Variants in DHX38 observed in about 807,000 individuals in gnomAD.
DHX38 encodes pre-mRNA-splicing factor ATP-dependent RNA helicase PRP16.
DHX38 carries 100 observed loss-of-function variants against 153.1 expected under a neutral mutation model. The observed-to-expected ratio is 0.65, with a 90% CI of 0.56 to 0.77. The LOEUF (loss-of-function observed/expected upper bound fraction) is 0.77, where lower values mean the gene tolerates loss of function less well. Among genes scored for constraint, DHX38 ranks in the 30% least tolerant of loss-of-function variants. The pLI is 0.00. For synonymous variants in DHX38, 650 were observed against 631.7 expected (o/e 1.03, Z -0.43); for missense variants, 1,440 against 1,654.0 (o/e 0.87, Z 2.24).
chr16:72,112,843 G>T lies in DHX38; in HGVS notation c.*346G>T. The T allele has an allele frequency of 1.4e-6, 1 of 701,696 alleles. No individual in the cohort carries two copies. The highest frequency in any genetic ancestry group is 1.5e-5 in the South Asian group (1 of 67,306). 43.5% of individuals were successfully genotyped at this position (701,696 alleles called of 1,614,324 possible). On this transcript the variant is annotated 3_prime_UTR_variant, in exon 27 of 27. Transcript: ENST00000268482. The stretch of plus-strand genomic sequence containing the variant: ...AATCCTTGTGTAAAGCAGCAAAAAA[G>T]ACCTAAAGGGAATTGTAATTTGGTT...
intron 1 of DHX38, among the ~76,000 whole-genome samples, chr16:72,095,616 T>G (rs566064541): frequency 6.6e-6 from 1 of 152,380 alleles, no homozygotes; most frequent in Admixed American, 6.5e-5. Context: ...ACTTTTTGTT[T>G]GATTCTCACA....
rs2042087684 is a variant in DHX38 at position 72,100,694 on chromosome 16, G to C, written c.1278+97G>C. Reference sequence around the variant, plus strand: ...GCCTGTCATCCCGGCACTTTGGGAGGCTGAGGAGGGTGGATCATTGGATAC... The same window carrying C: ...GCCTGTCATCCCGGCACTTTGGGAGCCTGAGGAGGGTGGATCATTGGATAC... On this transcript the variant is annotated intron_variant, in intron 9 of 26. Coordinates refer to ENST00000268482, the MANE Select transcript of DHX38 (RefSeq NM_014003.4). The C allele has an allele frequency of 3.3e-6, 5 of 1,515,988 alleles. No individual in the cohort carries two copies. In the East Asian group the frequency reaches 1.1e-4, roughly 34 times the overall value. The allele number at this position is 1,515,988 out of a possible 1,614,324, so 93.9% of individuals were successfully genotyped here.
At chr16:72,102,142 A>T (rs2042110059) in intron 11 of DHX38, among the ~76,000 whole-genome samples, 1 of 152,196 alleles carries the variant, frequency 6.6e-6, no homozygotes, top group African/African-American at 2.4e-5. Context: ...AGGTGGCTGG[A>T]CTTATCTGTC....
chr16:72,106,186 G>C, intron 19 of DHX38, 69 bp downstream of exon 19: 1 of 1,487,334 alleles, frequency 6.7e-7, no homozygotes, highest in Non-Finnish European at 9.3e-7. Flanking sequence ...CCCGGGCGGG[G>C]GCGGGCAGGA....
chr16:72,098,797 T>C lies in DHX38; in HGVS notation c.764+5T>C. 1.2e-6 allele frequency: 2 copies of C among 1,613,854 alleles called. No individual in the cohort carries two copies. The highest frequency in any genetic ancestry group is 8.5e-7 in the Non-Finnish European group (1 of 1,179,808). The stretch of plus-strand genomic sequence containing the variant: ...GTCCACTCGAGATCGAGACAGGTGA[T>C]GTTCTGGGCAGAGCAGCCCAGTTTC... On this transcript the variant is annotated splice_donor_5th_base_variant and intron_variant, in intron 5 of 26. Transcript: ENST00000268482.
intron 3 of DHX38, 144 bp from the exon 4 acceptor site, chr16:72,097,533 T>A: frequency 2.8e-5 from 19 of 680,464 alleles, no homozygotes; most frequent in Non-Finnish European, 4.3e-5. Context: ...TGGGGATAGG[T>A]GAGTTTCAGG....
chr16:72,101,545 A>G lies in DHX38; in HGVS notation c.1432A>G (p.Ile478Val). 1 of 1,552,172 alleles carries G rather than the reference A, an allele frequency of 6.4e-7. No individual in the cohort carries two copies. The highest frequency in any genetic ancestry group is 8.7e-7 in the Non-Finnish European group (1 of 1,147,246). ...ACTGGCGGGGACCAAACTGGGAGAT[A>G]TAATGGGCGTCAAGAAGGAGGAAGA... The part of the protein sequence containing the change: ...WELAGTKLGD[I>V]MGVKKEEEPD... The change falls in exon 11 of 27, where the codon ATA (isoleucine) becomes GTA (valine). Residue 478 changes from isoleucine (I) to valine (V), a missense_variant. Physicochemically the swap from Ile to Val is conservative, Grantham distance 29. This residue lies in a region of DHX38 where 241 missense variants were observed against 229.5 expected (regional missense o/e 1.05). Transcript: ENST00000268482.
At chr16:72,103,841 C>A in intron 13 of DHX38, 53 bp downstream of exon 13, 5 of 1,596,370 alleles carry the variant, frequency 3.1e-6, no homozygotes, top group Non-Finnish European at 4.3e-6. Context: ...AGCTTCCACC[C>A]ATTTTTGCTA....
intron 11 of DHX38, among the ~76,000 whole-genome samples, chr16:72,102,598 A>G (rs2042116150): frequency 6.6e-6 from 1 of 152,210 alleles, no homozygotes; most frequent in South Asian, 2.1e-4. Flanking sequence ...CGTACAGACT[A>G]TGCTTTCCTG....
At chr16:72,103,908 G>A (rs568853448) in intron 13 of DHX38, 38 bp from the exon 14 acceptor site, 27 of 1,609,688 alleles carry the variant, frequency 1.7e-5, no homozygotes, top group Non-Finnish European at 2.0e-5. Context: ...GTGGTGAGCC[G>A]GTGGCCAGGG....
intron 10 of DHX38, 84 bp downstream of exon 10, chr16:72,101,277 G>A (rs926876847): frequency 6.1e-6 from 9 of 1,484,608 alleles, no homozygotes; most frequent in Non-Finnish European, 7.4e-6. Flanking sequence ...TAGGCCCACA[G>A]ATAGAAGTTA....
At chr16:72,105,422 G>C in intron 17 of DHX38, 74 bp downstream of exon 17, 1 of 1,596,994 alleles carries the variant, frequency 6.3e-7, no homozygotes, top group South Asian at 1.1e-5. Flanking sequence ...TGACTGTCCT[G>C]GCAGGGGGTG....
chr16:72,101,764 C>A (rs1193229540), intron 11 of DHX38, 152 bp downstream of exon 11: 1 of 628,648 alleles, frequency 1.6e-6, no homozygotes, highest in African/African-American at 1.8e-5. Context: ...GTCCCTTCCT[C>A]CTGGTCTCTT....
intron 11 of DHX38, among the ~76,000 whole-genome samples, chr16:72,101,926 G>A (rs753026352): frequency 6.6e-6 from 1 of 152,170 alleles, no homozygotes; most frequent in Non-Finnish European, 1.5e-5. Context: ...TCAGACCCAG[G>A]CCGTCTCACA....
At chr16:72,101,787 C>T (rs2042105312) in intron 11 of DHX38, among the ~76,000 whole-genome samples, 175 bp downstream of exon 11, 1 of 152,206 alleles carries the variant, frequency 6.6e-6, no homozygotes, top group South Asian at 2.1e-4. Flanking sequence ...CTGTCCTCCA[C>T]TTTTCCTATA....
In DHX38 at chr16:72,099,762, G is replaced by A. The variant is rs890678223; in HGVS notation, c.991G>A (p.Glu331Lys). The change falls in exon 8 of 27, where the codon GAG becomes AAG. Residue 331 changes from glutamate (E) to lysine (K), a missense_variant. By Grantham distance (56) the Glu-to-Lys change is moderately conservative (BLOSUM62 1). Coordinates refer to ENST00000268482, the MANE Select transcript of DHX38 (RefSeq NM_014003.4). ...QADRDWYMMD[E>K]GYDEFHNPLA... ...CGATCGGGATTGGTACATGATGGAC[G>A]AGGGCTATGACGAGTTCCACAACCC... 1.9e-6 allele frequency: 3 copies of A among 1,614,070 alleles called. No individual in the cohort carries two copies. The highest frequency in any genetic ancestry group is 2.5e-6 in the Non-Finnish European group (3 of 1,180,046).
chr16:72,112,614 C>A lies in DHX38; in HGVS notation c.*117C>A. On this transcript the variant is annotated 3_prime_UTR_variant, in exon 27 of 27. Coordinates refer to ENST00000268482, the MANE Select transcript of DHX38 (RefSeq NM_014003.4). ...TGAGGACTTTCATCTGTGCATATCA[C>A]GGCCCCCCAGGGCAGTTCCTGCTGG... The A allele has an allele frequency of 8.9e-7, 1 of 1,126,496 alleles. No individual in the cohort carries two copies. Among genetic ancestry groups the A allele is most frequent in the Non-Finnish European group, 1.3e-6 (1 of 767,626 alleles). 69.8% of individuals were successfully genotyped at this position (1,126,496 alleles called of 1,614,324 possible).
chr16:72,105,329 A>T lies in DHX38; in HGVS notation c.2360A>T (p.Gln787Leu). Reference sequence around the variant, plus strand: ...TACTCTCAGCTGCCTTCTGACCTCCAGGCCAAAATCTTCCAGAAGGTGTGT... The same window carrying T: ...TACTCTCAGCTGCCTTCTGACCTCCTGGCCAAAATCTTCCAGAAGGTGTGT... ...PIYSQLPSDL[Q>L]AKIFQKAPDG... The change falls in exon 17 of 27, where the codon CAG becomes CTG. Residue 787 changes from glutamine (Q) to leucine (L), a missense_variant. By Grantham distance (113) the Gln-to-Leu change is moderately radical (BLOSUM62 -2). Transcript: ENST00000268482. 6.2e-7 allele frequency: 1 copy of T among 1,614,174 alleles called. No homozygotes were observed. Among genetic ancestry groups the T allele is most frequent in the Non-Finnish European group, 8.5e-7 (1 of 1,180,010 alleles).
rs772203418 is a variant in DHX38 at position 72,112,468 on chromosome 16, C to T, written c.3655C>T (p.Arg1219Cys). 1.3e-5 allele frequency: 21 copies of T among 1,612,052 alleles called. No individual in the cohort carries two copies. The highest frequency in any genetic ancestry group is 6.7e-5 in the African/African-American group (5 of 74,950). ...RKEQGEPMTP[R>C]RTPARFGL ...AGAGCAAGGGGAGCCCATGACCCCT[C>T]GCCGCACGCCAGCCCGCTTTGGTCT... Residue 1219 changes from arginine to cysteine, a missense_variant, in exon 27 of 27, where the codon CGC becomes TGC. Around this residue, in one of 6 missense-constraint regions of DHX38, gnomAD observed 75 missense variants for 69.5 expected, o/e 1.08. Transcript: ENST00000268482.
Sources: gnomAD v4.1 joint callset for allele counts (sites outside exome capture counted in the v4.1 genomes callset) on GRCh38, gnomAD v4.1.1 for gene constraint, gnomAD v4.1.1 regional missense constraint, MANE v1.5 for transcripts, NCBI Gene and HGNC (gene_info 2026-07-23, HGNC 2026-07-21) for gene names.